PHACTR2: variants seen among roughly 807,000 people sequenced by gnomAD.
The protein encoded by PHACTR2 is chromosome 6 open reading frame 56.
Under a neutral mutation model 76.0 loss-of-function variants are expected in PHACTR2, and 30 were observed. The ratio of observed to expected loss-of-function variants is 0.39; its 90% CI spans 0.30 to 0.54. The LOEUF (loss-of-function observed/expected upper bound fraction) is 0.54, where lower values mean the gene tolerates loss of function less well. PHACTR2 is among the 20% of genes least tolerant of loss of function. PHACTR2 has a pLI of 0.61. For synonymous variants in PHACTR2, 292 were observed against 292.5 expected, an observed-to-expected ratio of 1.00 and a Z score of 0.02; for missense variants, 696 against 781.1, an observed-to-expected ratio of 0.89 and a Z score of 1.30.
rs185446267 is a variant in PHACTR2 at position 143,596,057 on chromosome 6, G to A, written c.217+58850G>A. Among the ~76,000 whole-genome samples, 12 of 152,218 alleles carry A rather than the reference G, an allele frequency of 7.9e-5. No individual in the cohort carries two copies. Among genetic ancestry groups the A allele is most frequent in the East Asian group, 5.8e-4 (3 of 5,186 alleles). ...AACACTTGAGAATGATTCAGTTGGCGGAGATTCTATAAATTTAGATAATTT... is the reference window on the plus strand; with the variant it reads ...AACACTTGAGAATGATTCAGTTGGCAGAGATTCTATAAATTTAGATAATTT... On this transcript the variant is annotated intron_variant, in intron 1 of 11. Coordinates refer to the PHACTR2 transcript ENST00000367584. The surrounding 1 kb of genome is among the most constrained non-coding windows in gnomAD (Gnocchi z 4.6).
At chr6:143,746,682 C>T (rs1327801089) in intron 2 of PHACTR2, among the ~76,000 whole-genome samples, 1 of 152,188 alleles carries the variant, frequency 6.6e-6, no homozygotes, top group African/African-American at 2.4e-5. Context: ...TTCTAAAGCA[C>T]CTGCAAAATC....
Position 143,753,158 on chromosome 6 carries a change from C to T in PHACTR2, c.296-596C>T, listed in dbSNP as rs1330080476. 1.3e-5 allele frequency among the ~76,000 whole-genome samples: 2 copies of T among 151,334 alleles called. No homozygotes were observed. The highest frequency in any genetic ancestry group is 4.9e-5 in the African/African-American group (2 of 41,228). On this transcript the variant is annotated intron_variant, in intron 3 of 12. Coordinates refer to ENST00000440869, the MANE Select transcript of PHACTR2 (RefSeq NM_001100164.2). This position sits in a 1 kb window ranked among gnomAD's most constrained non-coding sequence, Gnocchi z 4.6. Reference sequence around the variant, plus strand: ...ATTACCTGAGTATACTTTAATCTTTCCATAAACAAATAAAAATAAAAATAG... The same window carrying T: ...ATTACCTGAGTATACTTTAATCTTTTCATAAACAAATAAAAATAAAAATAG...
rs1775917570 is a variant in PHACTR2 at position 143,800,086 on chromosome 6, T to C, written c.1846-6971T>C. Among the ~76,000 whole-genome samples the C allele has an allele frequency of 2.0e-5, 3 of 152,204 alleles. No individual in the cohort carries two copies. In the South Asian group the frequency reaches 6.2e-4, roughly 31 times the overall value. ...CTCGTGTACTGGATGCATATATATT[T>C]AGGATAGTTAACTCTTTTTGTTGAA... On this transcript the variant is annotated intron_variant, in intron 11 of 12. Coordinates refer to ENST00000440869, the MANE Select transcript of PHACTR2 (RefSeq NM_001100164.2). This position sits in a 1 kb window ranked among gnomAD's most constrained non-coding sequence, Gnocchi z 4.8.
intron 10 of PHACTR2, 29 bp from the exon 11 acceptor site, chr6:143,788,744 A>G (rs751051405): frequency 6.3e-7 from 1 of 1,594,488 alleles, no homozygotes; most frequent in African/African-American, 1.3e-5. Flanking sequence ...GGTTTACTGA[A>G]CTCTGCCTTT....
In PHACTR2 at chr6:143,795,486, T is replaced by C. The variant is rs573926649; in HGVS notation, c.1845+6576T>C. 6.6e-6 allele frequency among the ~76,000 whole-genome samples: 1 copy of C among 152,346 alleles called. No individual in the cohort carries two copies. The highest frequency in any genetic ancestry group is 2.4e-5 in the African/African-American group (1 of 41,580). ...ACTTAGAGCACTAGAAACAGATATA[T>C]GTACAGTAAAATAGAGATGGCCTGG... On this transcript the variant is annotated intron_variant, in intron 11 of 12. Coordinates refer to ENST00000440869, the MANE Select transcript of PHACTR2 (RefSeq NM_001100164.2). The surrounding 1 kb of genome is among the most constrained non-coding windows in gnomAD (Gnocchi z 4.8).
chr6:143,609,327 T>C (rs1775939812), intron 1 of PHACTR2, among the ~76,000 whole-genome samples: 1 of 152,226 alleles, frequency 6.6e-6, no homozygotes, highest in South Asian at 2.1e-4. Context: ...TTTTATGAAA[T>C]AGCTTACCAG....
At chr6:143,582,305 A>G (rs1775584994) in intron 1 of PHACTR2, among the ~76,000 whole-genome samples, 1 of 152,192 alleles carries the variant, frequency 6.6e-6, no homozygotes, top group African/African-American at 2.4e-5. Flanking sequence ...AAAATACCCT[A>G]GGAAACACGC....
At chr6:143,681,801 A>G (rs984395735) in intron 1 of PHACTR2, among the ~76,000 whole-genome samples, 7 of 152,242 alleles carry the variant, frequency 4.6e-5, no homozygotes, top group African/African-American at 1.7e-4. Flanking sequence ...ACATGTGAAT[A>G]TCCAATTGTT....
rs535214880 is a variant in PHACTR2, at chr6:143,793,911, A to AAAATAAAT, written c.1845+5016_1845+5023dup. On this transcript the variant is annotated intron_variant, in intron 11 of 12. Coordinates refer to ENST00000440869, the MANE Select transcript of PHACTR2 (RefSeq NM_001100164.2). This position sits in a 1 kb window ranked among gnomAD's most constrained non-coding sequence, Gnocchi z 4.4. The stretch of plus-strand genomic sequence containing the variant: ...GGGCAACAGAGCTAGACCTTATCTC[A>AAAATAAAT]AAATAAATAAATAAATAAATAATAT... 1.8e-4 allele frequency among the ~76,000 whole-genome samples: 28 copies of AAAATAAAT among 152,140 alleles called. No homozygotes were observed. In the East Asian group the frequency reaches 5.4e-3, roughly 29 times the overall value.
chr6:143,683,187 C>G lies in PHACTR2; in HGVS notation c.46+4978C>G, dbSNP rs77296725. Among the ~76,000 whole-genome samples the G allele has an allele frequency of 1.5e-3, 234 of 152,294 alleles. 3 individuals are homozygous for G. In the East Asian group the frequency reaches 0.023, roughly 15 times the overall value. On this transcript the variant is annotated intron_variant, in intron 1 of 12. Coordinates refer to ENST00000440869, the MANE Select transcript of PHACTR2 (RefSeq NM_001100164.2). This position sits in a 1 kb window ranked among gnomAD's most constrained non-coding sequence, Gnocchi z 4.1. ...TTTCGGTACCCTCTGGCATCATGCC[C>G]TAGGAGGATTGAGACTTCTAGTATT...
At chr6:143,676,008 A>C (rs1777238846), upstream of PHACTR2, among the ~76,000 whole-genome samples, 1 of 152,230 alleles carries the variant, frequency 6.6e-6, no homozygotes, top group South Asian at 2.1e-4. This position sits in a 1 kb window ranked among gnomAD's most constrained non-coding sequence, Gnocchi z 4.8. Flanking sequence ...TAAAAAGGCC[A>C]CTTAAATGCC....
At position 143,659,297 on chromosome 6, in the gene PHACTR2, T is replaced by C. The variant is rs1403783435; in HGVS notation, c.13+50975T>C. On this transcript the variant is annotated intron_variant, in intron 1 of 11. Transcript: ENST00000305766. This position sits in a 1 kb window ranked among gnomAD's most constrained non-coding sequence, Gnocchi z 5.0. ...TATAAACTTTAAAAATTTTTTAAACTTTTTTACTGTTTTGTAGCAACACGT... is the reference window on the plus strand; with the variant it reads ...TATAAACTTTAAAAATTTTTTAAACCTTTTTACTGTTTTGTAGCAACACGT... 6.6e-6 allele frequency among the ~76,000 whole-genome samples: 1 copy of C among 152,222 alleles called. No homozygotes were observed. Among genetic ancestry groups the C allele is most frequent in the Non-Finnish European group, 1.5e-5 (1 of 68,034 alleles).
rs916834720 is a variant in PHACTR2 at position 143,697,946 on chromosome 6, CT to C, written c.47-14062del. On this transcript the variant is annotated intron_variant, in intron 1 of 12. Coordinates refer to ENST00000440869, the MANE Select transcript of PHACTR2 (RefSeq NM_001100164.2). The surrounding 1 kb of genome is among the most constrained non-coding windows in gnomAD (Gnocchi z 4.4). ...TTTTCTTGCTTCTCAGAGAGGTAGTCTTTTTTTTAACCTACTCACTTAATAA... is the reference window on the plus strand; with the variant it reads ...TTTTCTTGCTTCTCAGAGAGGTAGTCTTTTTTTAACCTACTCACTTAATAA... Among the ~76,000 whole-genome samples, 2 of 151,826 alleles carry C rather than the reference CT, an allele frequency of 1.3e-5. No homozygotes were observed. Among genetic ancestry groups the C allele is most frequent in the African/African-American group, 4.8e-5 (2 of 41,334 alleles).
intron 1 of PHACTR2, among the ~76,000 whole-genome samples, chr6:143,685,633 A>G (rs1285862476): frequency 1.3e-5 from 2 of 151,896 alleles, no homozygotes; most frequent in East Asian, 1.9e-4. Context: ...TTACCTGACC[A>G]AAGAAGAACA....
chr6:143,719,085 G>T (rs1778376655), intron 2 of PHACTR2, among the ~76,000 whole-genome samples: 1 of 151,708 alleles, frequency 6.6e-6, no homozygotes, highest in Non-Finnish European at 1.5e-5. Flanking sequence ...GTTTCACCAT[G>T]TTAGCCAGGC....
At chr6:143,740,297 C>T (rs146952846) in intron 2 of PHACTR2, among the ~76,000 whole-genome samples, 1 of 151,850 alleles carries the variant, frequency 6.6e-6, no homozygotes. Flanking sequence ...TTTATTGCAA[C>T]CTGTTTTGTC....
intron 1 of PHACTR2, among the ~76,000 whole-genome samples, chr6:143,601,116 G>A (rs1009689236): frequency 3.3e-5 from 5 of 152,188 alleles, no homozygotes; most frequent in African/African-American, 7.2e-5. Context: ...TGAAATAAAT[G>A]CATAAAGAAA....
At chr6:143,605,028 C>T (rs1434981105), upstream of PHACTR2, among the ~76,000 whole-genome samples, 2 of 149,742 alleles carry the variant, frequency 1.3e-5, no homozygotes, top group Non-Finnish European at 3.0e-5. The surrounding 1 kb of genome is among the most constrained non-coding windows in gnomAD (Gnocchi z 5.0). Context: ...CTTGGTGATG[C>T]GTTTGAAGAC....
chr6:143,713,792 G>A (rs1453501692), intron 2 of PHACTR2, among the ~76,000 whole-genome samples: 2 of 152,154 alleles, frequency 1.3e-5, no homozygotes, highest in Non-Finnish European at 2.9e-5. Context: ...GTTGTGGAAG[G>A]AACCTCACTG....
Sources: gnomAD v4.1 joint callset for allele counts (sites outside exome capture counted in the v4.1 genomes callset) on GRCh38, gnomAD v4.1.1 for gene constraint, Gnocchi (gnomAD v3.1) non-coding constraint, MANE v1.5 for transcripts, NCBI Gene and HGNC (gene_info 2026-07-23, HGNC 2026-07-21) for gene names.